Variants in CPNE4 observed in about 807,000 individuals in gnomAD.
CPNE4 encodes copine-4.
A neutral mutation model predicts 67.9 loss-of-function variants in CPNE4; 25 were observed. The observed-to-expected ratio is 0.37, with a 90% confidence interval of 0.27 to 0.51. CPNE4 has a LOEUF of 0.51. Among genes scored for constraint, CPNE4 ranks in the 20% least tolerant of loss-of-function variants. CPNE4 has a pLI of 0.93. For missense variants in CPNE4, 464 were observed against 690.8 expected (o/e 0.67, Z 3.68); for synonymous variants, 242 against 244.9 (o/e 0.99, Z 0.11).
In CPNE4 at chr3:131,756,808, G is replaced by A. The variant is rs528125218; in HGVS notation, c.181-33183C>T. ...GGATTGTATCTCCCAGAATTCCCAC[G>A]TGTGATGGAAGGGACCCAGGGGAAG... is the stretch of plus-strand genomic sequence containing the variant. On this transcript the variant is annotated intron_variant, in intron 2 of 15. Transcript: ENST00000429747. 3.3e-5 allele frequency among the ~76,000 whole-genome samples: 5 copies of A among 152,318 alleles called. No individual in the cohort carries two copies. In the East Asian group the frequency reaches 9.7e-4, roughly 29 times the overall value.
chr3:131,587,635 A>G, intron 7 of CPNE4, 53 bp from the exon 8 acceptor site: 1 of 1,284,342 alleles, frequency 7.8e-7, no homozygotes, highest in South Asian at 1.2e-5. Context: ...TAGCCACAGC[A>G]GCTGAAGGCA....
intron 2 of CPNE4, among the ~76,000 whole-genome samples, chr3:131,815,787 T>G (rs894182187): frequency 6.6e-6 from 1 of 152,130 alleles, no homozygotes; most frequent in Admixed American, 6.5e-5. Flanking sequence ...AAACAAGGGG[T>G]TGCGATCAGG....
intron 11 of CPNE4, among the ~76,000 whole-genome samples, chr3:131,560,030 A>C (rs1022755601): frequency 6.6e-6 from 1 of 152,072 alleles, no homozygotes; most frequent in Non-Finnish European, 1.5e-5. Flanking sequence ...CATTTTAAAG[A>C]TCATTGGTCC....
intron 14 of CPNE4, among the ~76,000 whole-genome samples, chr3:131,548,574 G>T (rs1936000217): frequency 6.6e-6 from 1 of 152,024 alleles, no homozygotes; most frequent in African/African-American, 2.4e-5. Flanking sequence ...GTCAGAGAAT[G>T]GATCATATGG....
In CPNE4 at chr3:131,540,089, G is replaced by A. The variant is rs1032297940; in HGVS notation, c.1539+2468C>T. On this transcript the variant is annotated intron_variant, in intron 15 of 15. Coordinates refer to ENST00000429747, the MANE Select transcript of CPNE4 (RefSeq NM_130808.3). ...TGAAAATCTCTTCCTAGGGAAACTT[G>A]AGGATGGCATATAACAACACAATTA... Among the ~76,000 whole-genome samples, 4 of 152,118 alleles carry A rather than the reference G, an allele frequency of 2.6e-5. 1 individual carries two copies. The highest frequency in any genetic ancestry group is 3.2e-3 in the Middle Eastern group (1 of 316).
intron 3 of CPNE4, 151 bp from the exon 4 acceptor site, chr3:131,700,131 A>T: frequency 1.9e-6 from 1 of 540,412 alleles, no homozygotes; most frequent in South Asian, 2.4e-5. Context: ...TTTGTCAATG[A>T]GCCTCTCCTA....
intron 2 of CPNE4, among the ~76,000 whole-genome samples, chr3:131,901,801 G>T (rs1466269393): frequency 6.6e-6 from 1 of 152,032 alleles, no homozygotes; most frequent in African/African-American, 2.4e-5. Flanking sequence ...TCCCTTAGAG[G>T]GTTGGGGAAA....
chr3:131,572,270 GGACAATTCACAAACATGTGGAA>G (rs1937376432), intron 10 of CPNE4, among the ~76,000 whole-genome samples: 1 of 152,012 alleles, frequency 6.6e-6, no homozygotes, highest in African/African-American at 2.4e-5. Context: ...TTTAATAAAG[GGACAATTCACAAACATGTGGAA>G]AAGGTTAATG....
chr3:131,658,715 T>C (rs565593430), intron 7 of CPNE4, among the ~76,000 whole-genome samples: 1 of 152,342 alleles, frequency 6.6e-6, no homozygotes, highest in African/African-American at 2.4e-5. Context: ...GGGATTGTTC[T>C]GCCAAGCATC....
chr3:131,574,433 C>T (rs1484687940), intron 10 of CPNE4, among the ~76,000 whole-genome samples: 1 of 152,080 alleles, frequency 6.6e-6, no homozygotes, highest in African/African-American at 2.4e-5. Context: ...AAAGACTCAG[C>T]CTACCCAGTC....
rs546298693 is a variant in CPNE4 at position 131,699,112 on chromosome 3, T to G, written c.432+797A>C. 1.6e-4 allele frequency among the ~76,000 whole-genome samples: 25 copies of G among 152,298 alleles called. 1 individual carries two copies. In the South Asian group the frequency reaches 4.6e-3, roughly 28 times the overall value. On this transcript the variant is annotated intron_variant, in intron 4 of 15. Transcript: ENST00000429747. ...ACATCCAAATGGTTGGACAACATCC[T>G]CTACCTTTTTCAAGGTCTCTTAATA...
intron 7 of CPNE4, among the ~76,000 whole-genome samples, chr3:131,635,833 G>GAACATACCAGTAAAGCCAAGAGAAT (rs1202552516): frequency 1.9e-4 from 25 of 130,842 alleles, no homozygotes; most frequent in East Asian, 6.2e-4. Flanking sequence ...ACTACTGCAG[G>GAACATACCAGTAAAGCCAAGAGAAT]CACTTTGGGA....
intron 10 of CPNE4, among the ~76,000 whole-genome samples, chr3:131,573,459 G>A (rs1469915587): frequency 6.6e-6 from 1 of 152,086 alleles, no homozygotes; most frequent in East Asian, 1.9e-4. Context: ...GAACACTTTA[G>A]GTTGGGGTTC....
At chr3:131,838,173 A>G (rs1459200192) in intron 2 of CPNE4, among the ~76,000 whole-genome samples, 1 of 152,022 alleles carries the variant, frequency 6.6e-6, no homozygotes, top group East Asian at 1.9e-4. Context: ...TCAAAAAATG[A>G]TTTTGAAAAC....
At chr3:131,549,066 C>T (rs888017183) in intron 14 of CPNE4, among the ~76,000 whole-genome samples, 12 of 151,954 alleles carry the variant, frequency 7.9e-5, no homozygotes, top group African/African-American at 2.2e-4. Flanking sequence ...GGAGAAAGAG[C>T]GAGAATATAA....
chr3:131,626,876 G>A (rs553980418), intron 7 of CPNE4, among the ~76,000 whole-genome samples: 4 of 152,254 alleles, frequency 2.6e-5, no homozygotes, highest in South Asian at 2.1e-4. Context: ...CACTGGCCAC[G>A]CTGAAAATCT....
chr3:131,685,781 A>AACAC (rs33910791), intron 6 of CPNE4, 94 bp downstream of exon 6: 93 of 733,784 alleles, frequency 1.3e-4, no homozygotes, highest in Non-Finnish European at 1.7e-4. Context: ...ACTCCACCTC[A>AACAC]ACACACACAC....
intron 2 of CPNE4, among the ~76,000 whole-genome samples, chr3:131,773,173 A>C (rs959194899): frequency 9.2e-5 from 14 of 152,074 alleles, no homozygotes; most frequent in African/African-American, 3.1e-4. Flanking sequence ...ATAAAGAAAA[A>C]CTAGCCACGG....
chr3:131,768,778 T>C (rs2083089353), intron 2 of CPNE4, among the ~76,000 whole-genome samples: 1 of 152,132 alleles, frequency 6.6e-6, no homozygotes, highest in Non-Finnish European at 1.5e-5. Context: ...AGATTGGACA[T>C]GAATACTGAA....
Sources: allele counts gnomAD v4.1 joint callset (sites outside exome capture counted in the v4.1 genomes callset), GRCh38; gene constraint gnomAD v4.1.1; transcripts MANE v1.5; gene names NCBI Gene and HGNC (gene_info 2026-07-23, HGNC 2026-07-21).